The following KLHL8 variants were observed in gnomAD, a reference collection of about 807,000 sequenced individuals.
KLHL8 encodes the protein kelch like family member 8, also known as kelch-like protein 8.
A neutral mutation model predicts 63.5 loss-of-function variants in KLHL8; 38 were observed. The ratio of observed to expected loss-of-function variants is 0.60; its 90% CI spans 0.46 to 0.78. The LOEUF is 0.78. Ranked by LOEUF, KLHL8 falls within the 30% of genes least tolerant of loss-of-function variation. KLHL8 has a pLI of 0.00. For missense variants in KLHL8, 566 were observed against 752.4 expected, an observed-to-expected ratio of 0.75 and a Z score of 2.90; for synonymous variants, 224 against 254.3, an observed-to-expected ratio of 0.88 and a Z score of 1.13.
At chr4:87,187,231 T>C (rs1484712623) in intron 2 of KLHL8, among the ~76,000 whole-genome samples, 1 of 152,130 alleles carries the variant, frequency 6.6e-6, no homozygotes, top group Non-Finnish European at 1.5e-5. Flanking sequence ...TCTTGAGTGT[T>C]GTTATTGTTG....
chr4:87,180,016 C>A (rs1730989823), intron 4 of KLHL8, among the ~76,000 whole-genome samples: 1 of 152,172 alleles, frequency 6.6e-6, no homozygotes, highest in South Asian at 2.1e-4. Context: ...GTGACCACTT[C>A]CTTCATACTT....
intron 1 of KLHL8, among the ~76,000 whole-genome samples, chr4:87,217,631 C>T (rs115421096): frequency 0.011 from 1,714 of 151,336 alleles, 37 homozygotes; most frequent in African/African-American, 0.039. Context: ...CAAGCATGAG[C>T]CACCGAGCCT....
intron 1 of KLHL8, among the ~76,000 whole-genome samples, chr4:87,205,337 G>A (rs1272467377): frequency 6.6e-6 from 1 of 152,134 alleles, no homozygotes; most frequent in African/African-American, 2.4e-5. Context: ...AGCCCAGGAG[G>A]TCGAGGCCAC....
chr4:87,161,735 T>G lies in KLHL8; in HGVS notation c.*1784A>C, dbSNP rs1277378549. ...TCCACATCCAGCCAGTTGTCACCAGTCTAGTAAGTGCTACAGGGTTAACTG... is the reference window on the plus strand; with the variant it reads ...TCCACATCCAGCCAGTTGTCACCAGGCTAGTAAGTGCTACAGGGTTAACTG... On this transcript the variant is annotated 3_prime_UTR_variant, in exon 10 of 10. Coordinates refer to ENST00000273963, the MANE Select transcript of KLHL8 (RefSeq NM_020803.5). 5 of 152,204 alleles carry G rather than the reference T, an allele frequency of 3.3e-5. No homozygotes were observed. The highest frequency in any genetic ancestry group is 7.3e-5 in the Non-Finnish European group (5 of 68,060). 9.4% of individuals were successfully genotyped at this position (152,204 alleles called of 1,614,324 possible). A position where few individuals can be genotyped will look rare whatever the true frequency, so the allele number is the denominator to read the frequency against.
intron 4 of KLHL8, among the ~76,000 whole-genome samples, chr4:87,182,615 AAAG>A (rs1312724382): frequency 2.6e-5 from 4 of 152,206 alleles, no homozygotes; most frequent in African/African-American, 9.6e-5. Context: ...TCTCAAAAAA[AAAG>A]AAGCGAACAT....
chr4:87,160,528 T>C lies in KLHL8; in HGVS notation c.*2991A>G, dbSNP rs1455985027. On this transcript the variant is annotated 3_prime_UTR_variant, in exon 10 of 10. Coordinates refer to ENST00000273963, the MANE Select transcript of KLHL8 (RefSeq NM_020803.5). Reference sequence around the variant, plus strand: ...CCAAGGCATTCAACAGCACTGTAAGTTCAAAGTTCATTTGGGAATTAAAAG... The same window carrying C: ...CCAAGGCATTCAACAGCACTGTAAGCTCAAAGTTCATTTGGGAATTAAAAG... The C allele has an allele frequency of 6.6e-6, 1 of 152,176 alleles. No homozygotes were observed. Among genetic ancestry groups the C allele is most frequent in the African/African-American group, 2.4e-5 (1 of 41,448 alleles). The allele number at this position is 152,176 out of a possible 1,614,324, so 9.4% of individuals were successfully genotyped here.
chr4:87,226,906 A>AT (rs1214704425), intron 1 of KLHL8, among the ~76,000 whole-genome samples: 1 of 18,208 alleles, frequency 5.5e-5, no homozygotes, highest in Non-Finnish European at 8.4e-5. Flanking sequence ...AATAATATAT[A>AT]ATATATAAAT....
At position 87,170,249 on chromosome 4, in the gene KLHL8, A is replaced by T. The variant is rs1357235560; in HGVS notation, c.1378-11T>A. 6.2e-7 allele frequency: 1 copy of T among 1,601,394 alleles called. No individual in the cohort carries two copies. Among genetic ancestry groups the T allele is most frequent in the Admixed American group, 1.8e-5 (1 of 57,140 alleles). The stretch of plus-strand genomic sequence containing the variant: ...TGCATAAACATGGTTCTAAATGAAG[A>T]GAGTCAAACAAAACACATTAGATTT... On this transcript the variant is annotated splice_polypyrimidine_tract_variant and intron_variant, in intron 7 of 9. Transcript: ENST00000273963.
At chr4:87,168,773 T>TGTATATATATAC (rs993939155) in intron 8 of KLHL8, among the ~76,000 whole-genome samples, 1 of 135,032 alleles carries the variant, frequency 7.4e-6, no homozygotes, top group Admixed American at 8.0e-5. Flanking sequence ...TATATATATG[T>TGTATATATATAC]GTATATATAT....
intron 4 of KLHL8, among the ~76,000 whole-genome samples, chr4:87,180,807 C>G (rs993531218): frequency 6.6e-6 from 1 of 151,948 alleles, no homozygotes; most frequent in East Asian, 1.9e-4. Context: ...CTTTGGGAGG[C>G]TGAAGTGGGT....
chr4:87,176,916 A>T (rs1238349031), intron 5 of KLHL8, 48 bp from the exon 6 acceptor site: 1 of 904,126 alleles, frequency 1.1e-6, no homozygotes, highest in African/African-American at 1.7e-5. Context: ...AAATAAATTC[A>T]TATCATTAAT....
At chr4:87,207,366 C>G (rs1280706277) in intron 1 of KLHL8, 1 of 654,642 alleles carries the variant, frequency 1.5e-6, no homozygotes, top group South Asian at 1.5e-5. Flanking sequence ...ACGCTGAGTA[C>G]GTTGTGGAGT....
intron 6 of KLHL8, among the ~76,000 whole-genome samples, chr4:87,176,371 A>T (rs1730816816): frequency 1.3e-5 from 2 of 152,194 alleles, no homozygotes. Flanking sequence ...GACAACCAAA[A>T]ATGTCTTCAG....
At chr4:87,186,960 G>A (rs1272382858) in intron 2 of KLHL8, among the ~76,000 whole-genome samples, 3 of 143,772 alleles carry the variant, frequency 2.1e-5, no homozygotes, top group African/African-American at 8.1e-5. Context: ...AAATGATATA[G>A]CTCACATAAA....
chr4:87,206,315 T>G (rs911286460), intron 1 of KLHL8, among the ~76,000 whole-genome samples: 1 of 152,234 alleles, frequency 6.6e-6, no homozygotes, highest in Non-Finnish European at 1.5e-5. Context: ...GCTGGATTTA[T>G]CTAACTCAAA....
intron 2 of KLHL8, among the ~76,000 whole-genome samples, chr4:87,189,302 C>G (rs934160774): frequency 1.3e-5 from 2 of 152,084 alleles, no homozygotes; most frequent in African/African-American, 4.8e-5. Flanking sequence ...AACTTTTAGG[C>G]CAAGTTTAAA....
Position 87,178,627 on chromosome 4 carries a change from G to A in KLHL8, c.953-7C>T, listed in dbSNP as rs201755560. ...CCTACACAAAACAGCACACCTAAAG[G>A]TAAAGCCACAAAATAGAGATAAATC... On this transcript the variant is annotated splice_polypyrimidine_tract_variant and splice_region_variant and intron_variant, in intron 4 of 9. Transcript: ENST00000273963. 667 of 1,532,694 alleles carry A rather than the reference G, an allele frequency of 4.4e-4. 2 individuals carry two copies. Among genetic ancestry groups the A allele is most frequent in the Non-Finnish European group, 5.4e-4 (623 of 1,144,902 alleles). The allele number at this position is 1,532,694 out of a possible 1,614,324, so 94.9% of individuals were successfully genotyped here.
chr4:87,207,705 C>A (rs1732197061), intron 1 of KLHL8: 5 of 914,596 alleles, frequency 5.5e-6, no homozygotes, highest in Non-Finnish European at 9.1e-6. Context: ...AGAACATCAT[C>A]CCTGCCTCTA....
At chr4:87,200,615 C>T (rs115049327) in intron 1 of KLHL8, among the ~76,000 whole-genome samples, 1,740 of 152,092 alleles carry the variant, frequency 0.011, 39 homozygotes, top group African/African-American at 0.04. Flanking sequence ...CACCTTACAC[C>T]TGTTGGGATG....
Sources: gnomAD v4.1 joint callset for allele counts (sites outside exome capture counted in the v4.1 genomes callset) on GRCh38, gnomAD v4.1.1 for gene constraint, MANE v1.5 for transcripts, NCBI Gene and HGNC (gene_info 2026-07-23, HGNC 2026-07-21) for gene names.